GARIN2: variants seen among roughly 807,000 people sequenced by gnomAD.
GARIN2 encodes golgi associated RAB2 interactor family member 2.
chr14:67,225,966 C>T, the GARIN2 span, among the ~76,000 whole-genome samples: 3,569 of 63,798 alleles, frequency 0.056, 58 homozygotes, highest in Non-Finnish European at 0.079. Flanking sequence ...TGTGTGTGCG[C>T]GCGCGCGCGT....
At chr14:67,221,704 T>C in the GARIN2 span, 2 of 1,577,796 alleles carry the variant, frequency 1.3e-6, no homozygotes, top group Non-Finnish European at 1.7e-6. Context: ...CCGGTTATTT[T>C]ATATCTAGTA....
the GARIN2 span, among the ~76,000 whole-genome samples, chr14:67,224,321 C>T: frequency 1.3e-5 from 2 of 150,188 alleles, no homozygotes; most frequent in Non-Finnish European, 3.0e-5. Context: ...CGCAGTGGCA[C>T]GATCTCAGCT....
chr14:67,211,671 G>A, the GARIN2 span, among the ~76,000 whole-genome samples: 3 of 152,114 alleles, frequency 2.0e-5, no homozygotes, highest in Non-Finnish European at 2.9e-5. Flanking sequence ...TCACACGCCT[G>A]TAATCCCATC....
chr14:67,222,426 G>A, the GARIN2 span, among the ~76,000 whole-genome samples: 1 of 151,992 alleles, frequency 6.6e-6, no homozygotes, highest in African/African-American at 2.4e-5. Context: ...TGAGTAGCTG[G>A]GATTACAGGC....
At chr14:67,216,089 C>T in the GARIN2 span, among the ~76,000 whole-genome samples, 1 of 152,162 alleles carries the variant, frequency 6.6e-6, no homozygotes, top group African/African-American at 2.4e-5. Flanking sequence ...TCCTACCAAT[C>T]CCCCATGGTA....
chr14:67,212,889 A>G, the GARIN2 span, among the ~76,000 whole-genome samples: 1 of 147,900 alleles, frequency 6.8e-6, no homozygotes, highest in Non-Finnish European at 1.5e-5. Context: ...GCCTCTAGAT[A>G]CAAGTGCCAA....
the GARIN2 span, among the ~76,000 whole-genome samples, chr14:67,190,635 A>G: frequency 6.6e-6 from 1 of 152,070 alleles, no homozygotes; most frequent in Non-Finnish European, 1.5e-5. Flanking sequence ...CTTTTTAATT[A>G]CTCAAATATT....
chr14:67,223,747 A>G, the GARIN2 span: 3 of 984,402 alleles, frequency 3.0e-6, no homozygotes, highest in Non-Finnish European at 3.6e-6. Context: ...CTTTTTTCTT[A>G]CTTAGGCTTG....
chr14:67,228,085 G>T, the GARIN2 span, among the ~76,000 whole-genome samples: 1 of 151,596 alleles, frequency 6.6e-6, no homozygotes. Flanking sequence ...CATGAAAATT[G>T]CTTGAACCCA....
At chr14:67,189,450 T>A in the GARIN2 span, 1 of 152,182 alleles carries the variant, frequency 6.6e-6, no homozygotes, top group Non-Finnish European at 1.5e-5. Context: ...AGTTGCCTGC[T>A]GAGTAGACAT....
At chr14:67,194,641 G>T in the GARIN2 span, among the ~76,000 whole-genome samples, 1 of 152,070 alleles carries the variant, frequency 6.6e-6, no homozygotes, top group Non-Finnish European at 1.5e-5. Flanking sequence ...AAGTAGCTGG[G>T]ATTACAGGCA....
the GARIN2 span, among the ~76,000 whole-genome samples, chr14:67,203,757 G>C: frequency 6.6e-6 from 1 of 152,214 alleles, no homozygotes; most frequent in African/African-American, 2.4e-5. Flanking sequence ...CTGTCACCCA[G>C]GCTGGAGTGC....
chr14:67,211,660 CTCACACGCCTGTAATCCCA>C, the GARIN2 span, among the ~76,000 whole-genome samples: 1 of 152,114 alleles, frequency 6.6e-6, no homozygotes. Context: ...GGCAAAGTGG[CTCACACGCCTGTAATCCCA>C]TCAACTGTGG....
chr14:67,198,328 A>T, the GARIN2 span: 1 of 1,609,522 alleles, frequency 6.2e-7, no homozygotes, highest in Non-Finnish European at 8.5e-7. Flanking sequence ...CAGGTAAATC[A>T]TATTCAAGGC....
At chr14:67,202,626 G>T in the GARIN2 span, among the ~76,000 whole-genome samples, 228 of 152,250 alleles carry the variant, frequency 1.5e-3, 3 homozygotes, top group East Asian at 0.032. Context: ...TGGCTCTATG[G>T]AATTTAAACT....
chr14:67,228,348 T>C, the GARIN2 span: 6 of 501,812 alleles, frequency 1.2e-5, no homozygotes, highest in Non-Finnish European at 1.5e-5. Flanking sequence ...TCTTGTCTTA[T>C]AGTTAACAGT....
the GARIN2 span, among the ~76,000 whole-genome samples, chr14:67,195,723 G>GTA: frequency 5.3e-5 from 8 of 150,696 alleles, no homozygotes; most frequent in Non-Finnish European, 1.0e-4. Flanking sequence ...TTGTGTGTGT[G>GTA]TGTGTGTGTG....
At chr14:67,194,695 G>A in the GARIN2 span, among the ~76,000 whole-genome samples, 26 of 152,066 alleles carry the variant, frequency 1.7e-4, no homozygotes, top group Non-Finnish European at 2.9e-4. Context: ...TAGAGATGGG[G>A]TTTCACCTTG....
the GARIN2 span, among the ~76,000 whole-genome samples, chr14:67,195,237 T>C: frequency 6.6e-6 from 1 of 152,196 alleles, no homozygotes; most frequent in Non-Finnish European, 1.5e-5. Flanking sequence ...CTCAACTTTG[T>C]TCAAAAAGGA....
Sources: gnomAD v4.1 joint callset for allele counts (sites outside exome capture counted in the v4.1 genomes callset) on GRCh38, gnomAD v4.1.1 for gene constraint, MANE v1.5 for transcripts, NCBI Gene and HGNC (gene_info 2026-07-23, HGNC 2026-07-21) for gene names.